Variants in SLCO6A1 observed in about 807,000 individuals in gnomAD.
The protein encoded by SLCO6A1 is cancer/testis antigen 48.
A neutral mutation model predicts 72.7 loss-of-function variants in SLCO6A1; 65 were observed. That is an observed-to-expected ratio of 0.89 (90% CI 0.73 to 1.10). SLCO6A1 has a LOEUF of 1.10. Among genes scored for constraint, SLCO6A1 ranks in the 50% least tolerant of loss-of-function variants. The pLI is 0.00. For missense variants in SLCO6A1, 874 were observed against 872.6 expected, an observed-to-expected ratio of 1.00 and a Z score of -0.02; for synonymous variants, 314 against 298.2, an observed-to-expected ratio of 1.05 and a Z score of -0.55.
At chr5:102,410,403 T>C (rs1444125067) in intron 9 of SLCO6A1, among the ~76,000 whole-genome samples, 1 of 152,164 alleles carries the variant, frequency 6.6e-6, no homozygotes, top group Admixed American at 6.5e-5. Context: ...GATTTGTCCA[T>C]GGGTGGCCAT....
chr5:102,471,061 AGTT>A (rs905776720), intron 4 of SLCO6A1, among the ~76,000 whole-genome samples: 1 of 151,834 alleles, frequency 6.6e-6, no homozygotes, highest in African/African-American at 2.4e-5. Flanking sequence ...TTCTTTCGTG[AGTT>A]GTTGTAATGA....
chr5:102,433,443 T>C (rs1265925478), intron 7 of SLCO6A1, among the ~76,000 whole-genome samples: 4 of 152,208 alleles, frequency 2.6e-5, no homozygotes, highest in Middle Eastern at 3.2e-3. Context: ...TTTTTTCTTT[T>C]ATCCTATTTG....
At chr5:102,472,972 T>C (rs1178260320) in intron 4 of SLCO6A1, among the ~76,000 whole-genome samples, 1 of 151,958 alleles carries the variant, frequency 6.6e-6, no homozygotes, top group African/African-American at 2.4e-5. Flanking sequence ...AGTAAGGTGA[T>C]TGAATCAGCC....
At chr5:102,430,802 G>T (rs1413055045) in intron 7 of SLCO6A1, among the ~76,000 whole-genome samples, 1 of 151,980 alleles carries the variant, frequency 6.6e-6, no homozygotes, top group African/African-American at 2.4e-5. Flanking sequence ...GATGATTCTG[G>T]CCTCATAGAA....
intron 10 of SLCO6A1, among the ~76,000 whole-genome samples, chr5:102,397,131 A>G (rs1444756009): frequency 6.6e-6 from 1 of 152,136 alleles, no homozygotes; most frequent in Non-Finnish European, 1.5e-5. Flanking sequence ...AGTTACATTT[A>G]TATTTTTATC....
intron 7 of SLCO6A1, among the ~76,000 whole-genome samples, chr5:102,424,006 C>G (rs963149965): frequency 1.3e-5 from 2 of 152,150 alleles, no homozygotes; most frequent in African/African-American, 4.8e-5. Flanking sequence ...AACTGAACAA[C>G]TTGCTACTGA....
At chr5:102,457,378 T>C (rs1032641409) in intron 6 of SLCO6A1, among the ~76,000 whole-genome samples, 1 of 150,854 alleles carries the variant, frequency 6.6e-6, no homozygotes, top group Non-Finnish European at 1.5e-5. Context: ...GTATCCAGAA[T>C]CTACAATGAA....
rs186185129 is a variant in SLCO6A1, at chr5:102,478,730, T to C, written c.617-869A>G. ...CAATACTATTAGATTATATTGGCCATGGTTATTTAACCATGGGTTGACATT... is the reference window on the plus strand; with the variant it reads ...CAATACTATTAGATTATATTGGCCACGGTTATTTAACCATGGGTTGACATT... On this transcript the variant is annotated intron_variant, in intron 2 of 13. Coordinates refer to ENST00000506729, the MANE Select transcript of SLCO6A1 (RefSeq NM_173488.5). Among the ~76,000 whole-genome samples the C allele has an allele frequency of 4.5e-4, 68 of 152,314 alleles. 1 individual carries two copies. The highest frequency in any genetic ancestry group is 4.1e-3 in the Admixed American group (63 of 15,290).
At chr5:102,449,112 T>C (rs753709745) in intron 6 of SLCO6A1, among the ~76,000 whole-genome samples, 16 of 152,180 alleles carry the variant, frequency 1.1e-4, no homozygotes, top group Non-Finnish European at 1.5e-4. Context: ...TATTTCTCTT[T>C]GGATTATGAA....
chr5:102,378,029 T>C (rs1399142384), intron 12 of SLCO6A1, among the ~76,000 whole-genome samples: 5 of 151,564 alleles, frequency 3.3e-5, no homozygotes, highest in Non-Finnish European at 7.4e-5. Context: ...TTTTAATATT[T>C]ATTTTCTTTT....
chr5:102,385,614 AG>A (rs778729352), intron 12 of SLCO6A1, among the ~76,000 whole-genome samples: 12 of 151,924 alleles, frequency 7.9e-5, no homozygotes, highest in Non-Finnish European at 1.6e-4. Context: ...GAAATTTTTC[AG>A]TTTAATTATT....
chr5:102,470,243 C>G (rs1159549381), intron 4 of SLCO6A1, among the ~76,000 whole-genome samples: 1 of 152,104 alleles, frequency 6.6e-6, no homozygotes, highest in Non-Finnish European at 1.5e-5. Context: ...GGTACCAGCT[C>G]TTCTTTGTAC....
At chr5:102,490,806 C>T (rs773742111) in intron 1 of SLCO6A1, among the ~76,000 whole-genome samples, 1 of 152,060 alleles carries the variant, frequency 6.6e-6, no homozygotes, top group Non-Finnish European at 1.5e-5. Context: ...CAGACCTTCG[C>T]GGTGAGTGTT....
intron 7 of SLCO6A1, among the ~76,000 whole-genome samples, chr5:102,420,222 C>G (rs190325421): frequency 5.3e-5 from 8 of 152,292 alleles, no homozygotes; most frequent in Non-Finnish European, 1.0e-4. Context: ...AGGGCTGAAG[C>G]CATAGGCCTA....
intron 7 of SLCO6A1, among the ~76,000 whole-genome samples, chr5:102,427,893 C>A (rs540439811): frequency 8.5e-6 from 1 of 117,062 alleles, no homozygotes. Flanking sequence ...TTTTTGAGAC[C>A]GAGTCTTGCT....
intron 7 of SLCO6A1, among the ~76,000 whole-genome samples, chr5:102,429,515 T>C (rs1749097646): frequency 6.6e-6 from 1 of 152,218 alleles, no homozygotes; most frequent in Admixed American, 6.5e-5. Context: ...TTCAACCTTC[T>C]GCATACGGCT....
At chr5:102,408,210 C>A (rs945507002) in intron 9 of SLCO6A1, among the ~76,000 whole-genome samples, 3 of 151,648 alleles carry the variant, frequency 2.0e-5, no homozygotes, top group African/African-American at 7.3e-5. Context: ...ACAATTATAG[C>A]AATACTGTAA....
At chr5:102,395,810 C>T (rs1337039322) in intron 10 of SLCO6A1, among the ~76,000 whole-genome samples, 1 of 152,144 alleles carries the variant, frequency 6.6e-6, no homozygotes, top group Non-Finnish European at 1.5e-5. Context: ...AGCATTTTTT[C>T]ATGTGTCTGT....
intron 1 of SLCO6A1, among the ~76,000 whole-genome samples, chr5:102,492,865 G>C (rs1388071928): frequency 6.6e-6 from 1 of 152,206 alleles, no homozygotes; most frequent in South Asian, 2.1e-4. Flanking sequence ...GCTGAGGCTT[G>C]AGTAGGTAAA....
Sources: allele counts gnomAD v4.1 joint callset (sites outside exome capture counted in the v4.1 genomes callset), GRCh38; gene constraint gnomAD v4.1.1; transcripts MANE v1.5; gene names NCBI Gene and HGNC (gene_info 2026-07-23, HGNC 2026-07-21).